Variants in SPAG17 observed in about 807,000 individuals in gnomAD.
SPAG17 encodes the protein sperm associated antigen 17.
A neutral mutation model predicts 273.6 loss-of-function variants in SPAG17; 169 were observed. That is an observed-to-expected ratio of 0.62 (90% CI 0.55 to 0.70). The LOEUF is 0.70. Ranked by LOEUF, SPAG17 falls within the 30% of genes least tolerant of loss-of-function variation. The pLI is 0.00. For synonymous variants in SPAG17, 825 were observed against 873.2 expected (o/e 0.94, Z 0.97); for missense variants, 2,557 against 2,627.8 (o/e 0.97, Z 0.59).
intron 3 of SPAG17, among the ~76,000 whole-genome samples, chr1:118,134,759 C>T (rs1045726088): frequency 2.6e-5 from 4 of 152,218 alleles, no homozygotes; most frequent in Non-Finnish European, 5.9e-5. Flanking sequence ...CAATTTCCCT[C>T]CTTATACACA....
rs563980015 is a variant in SPAG17 at position 118,069,344 on chromosome 1, C to CAAAAAAAAAAAAAAAAAAAA, written c.2386-2446_2386-2445insTTTTTTTTTTTTTTTTTTTT. Among the ~76,000 whole-genome samples the CAAAAAAAAAAAAAAAAAAAA allele has an allele frequency of 9.2e-4, 79 of 85,976 alleles. 1 individual carries two copies. Among genetic ancestry groups the CAAAAAAAAAAAAAAAAAAAA allele is most frequent in the African/African-American group, 1.0e-3 (21 of 20,010 alleles). 56.4% of individuals were successfully genotyped at this position (85,976 alleles called of 152,430 possible). A position where few individuals can be genotyped will look rare whatever the true frequency, so the allele number is the denominator to read the frequency against. On this transcript the variant is annotated intron_variant, in intron 17 of 48. Transcript: ENST00000336338. ...TAAGCGACAGAGTGAGACTCCGTCT[C>CAAAAAAAAAAAAAAAAAAAA]AAAAAAAAAAAAAAGTGGTGGTAGC...
At chr1:118,143,137 A>C (rs2102326826) in intron 3 of SPAG17, among the ~76,000 whole-genome samples, 1 of 152,356 alleles carries the variant, frequency 6.6e-6, no homozygotes, top group African/African-American at 2.4e-5. Context: ...CATCATCTGC[A>C]GATATACCTT....
chr1:118,031,792 A>T lies in SPAG17; in HGVS notation c.3509T>A (p.Val1170Glu). The change falls in exon 25 of 49, where the codon GTG (valine) becomes GAG (glutamate). Residue 1170 changes from valine to glutamate, a missense_variant. By Grantham distance (121) the Val-to-Glu change is moderately radical (BLOSUM62 -2). Transcript: ENST00000336338. ...ALTPTVVPVIVTVPQSKAKGK... is the reference protein window; with the variant it reads ...ALTPTVVPVIETVPQSKAKGK... ...TTTAGCTTTGCTTTGAGGAACGGTC[A>T]CTATAACAGGAACCACTGTTGGAGT... 3 of 1,613,758 alleles carry T rather than the reference A, an allele frequency of 1.9e-6. No individual in the cohort carries two copies. Among genetic ancestry groups the T allele is most frequent in the Non-Finnish European group, 2.5e-6 (3 of 1,179,782 alleles).
Position 118,086,193 on chromosome 1 carries a change from G to A in SPAG17, c.1612-121C>T. 3.1e-6 allele frequency: 3 copies of A among 959,396 alleles called. No individual in the cohort carries two copies. In the South Asian group the frequency reaches 5.0e-5, roughly 16 times the overall value. The allele number at this position is 959,396 out of a possible 1,614,324, so 59.4% of individuals were successfully genotyped here. A position where few individuals can be genotyped will look rare whatever the true frequency, so the allele number is the denominator to read the frequency against. On this transcript the variant is annotated intron_variant, in intron 12 of 48. Transcript: ENST00000336338. ...TTATTTGGGAACAGGGGAAATCAATGGTAATTGGGAAAGACAAACTTTTGG... is the reference window on the plus strand; with the variant it reads ...TTATTTGGGAACAGGGGAAATCAATAGTAATTGGGAAAGACAAACTTTTGG...
intron 46 of SPAG17, 92 bp downstream of exon 46, chr1:117,969,964 C>A (rs1488002498): frequency 1.8e-6 from 2 of 1,124,686 alleles, no homozygotes; most frequent in African/African-American, 3.1e-5. Flanking sequence ...AAGGAATGGG[C>A]AGAATGGTTT....
chr1:118,002,516 G>A (rs988126021), intron 32 of SPAG17, among the ~76,000 whole-genome samples: 2 of 152,246 alleles, frequency 1.3e-5, no homozygotes, highest in African/African-American at 4.8e-5. Flanking sequence ...CCTGTATTGG[G>A]TGCATATATA....
chr1:118,101,716 C>T lies in SPAG17; in HGVS notation c.634+24G>A, dbSNP rs199984658. ...ACTGTGTTTCACTCGTGAAAGGCACCGCCGGCAGCAGCACCTTACTGACCA... is the reference window on the plus strand; with the variant it reads ...ACTGTGTTTCACTCGTGAAAGGCACTGCCGGCAGCAGCACCTTACTGACCA... On this transcript the variant is annotated intron_variant, in intron 5 of 48. Coordinates refer to ENST00000336338, the MANE Select transcript of SPAG17 (RefSeq NM_206996.4). 4.2e-5 allele frequency: 67 copies of T among 1,598,132 alleles called. No homozygotes were observed. The African/African-American group carries it at 4.9e-4, about 12-fold the overall frequency.
intron 39 of SPAG17, 75 bp downstream of exon 39, chr1:117,988,030 T>C: frequency 1.4e-6 from 2 of 1,440,030 alleles, no homozygotes; most frequent in Non-Finnish European, 9.5e-7. Context: ...CCAAAAGTTA[T>C]AGCACCTGCA....
intron 3 of SPAG17, among the ~76,000 whole-genome samples, chr1:118,140,071 A>G (rs1222535391): frequency 6.6e-6 from 1 of 152,126 alleles, no homozygotes; most frequent in Non-Finnish European, 1.5e-5. Flanking sequence ...AGGACTCCGC[A>G]TGGAGTCGCA....
chr1:117,983,195 T>C (rs1251208684), intron 42 of SPAG17, among the ~76,000 whole-genome samples: 1 of 152,210 alleles, frequency 6.6e-6, no homozygotes, highest in Non-Finnish European at 1.5e-5. Flanking sequence ...GCAGGGGAAC[T>C]GCCCCTTATA....
chr1:118,142,837 A>G (rs568557441), intron 3 of SPAG17, among the ~76,000 whole-genome samples: 3 of 152,332 alleles, frequency 2.0e-5, no homozygotes, highest in South Asian at 2.1e-4. Context: ...CACTAGGTAT[A>G]TCGCTCACCA....
chr1:118,012,411 T>A, intron 29 of SPAG17, 39 bp from the exon 30 acceptor site: 1 of 1,602,820 alleles, frequency 6.2e-7, no homozygotes, highest in Non-Finnish European at 8.5e-7. Flanking sequence ...TTTGGCCACA[T>A]GGTTCATCCC....
intron 13 of SPAG17, 71 bp from the exon 14 acceptor site, chr1:118,081,713 T>C (rs12043257): frequency 0.069 from 87,500 of 1,272,644 alleles, 4,298 homozygotes; most frequent in East Asian, 0.24. Flanking sequence ...GACAGAGGGA[T>C]AACCAGGGAG....
At chr1:118,118,995 C>T (rs371616542) in intron 3 of SPAG17, among the ~76,000 whole-genome samples, 87 of 152,302 alleles carry the variant, frequency 5.7e-4, no homozygotes, top group African/African-American at 1.9e-3. Flanking sequence ...ACACCAGTGT[C>T]CTCTCTCCTT....
chr1:118,148,415 T>C (rs568579921), intron 3 of SPAG17, among the ~76,000 whole-genome samples: 1 of 152,160 alleles, frequency 6.6e-6, no homozygotes, highest in South Asian at 2.1e-4. Context: ...AGGTGCTAGC[T>C]CAGGTGGCCA....
At chr1:118,107,515 C>T (rs2102236246) in intron 4 of SPAG17, among the ~76,000 whole-genome samples, 1 of 152,226 alleles carries the variant, frequency 6.6e-6, no homozygotes, top group African/African-American at 2.4e-5. Context: ...CCCACCTTCG[C>T]AAAAGTATTA....
chr1:118,025,061 T>C (rs957572739), intron 27 of SPAG17, among the ~76,000 whole-genome samples, 177 bp downstream of exon 27: 30 of 152,246 alleles, frequency 2.0e-4, no homozygotes, highest in Middle Eastern at 3.2e-3. Context: ...ATTTGTATCC[T>C]GCTCTGCATA....
intron 43 of SPAG17, among the ~76,000 whole-genome samples, chr1:117,979,211 C>T (rs1418964208): frequency 2.6e-5 from 4 of 152,106 alleles, no homozygotes; most frequent in African/African-American, 9.7e-5. Flanking sequence ...CTTCCTCTGC[C>T]TGACTTTTAC....
At chr1:117,971,693 G>C in intron 45 of SPAG17, 170 bp downstream of exon 45, 1 of 498,558 alleles carries the variant, frequency 2.0e-6, no homozygotes, top group African/African-American at 2.0e-5. Context: ...TCACTGATTT[G>C]TTGATGAATG....
Sources: allele counts gnomAD v4.1 joint callset (sites outside exome capture counted in the v4.1 genomes callset), GRCh38; gene constraint gnomAD v4.1.1; transcripts MANE v1.5; gene names NCBI Gene and HGNC (gene_info 2026-07-23, HGNC 2026-07-21).